Variants in EPPIN observed in about 807,000 individuals in gnomAD.
EPPIN encodes epididymal peptidase inhibitor, also known as WAP four-disulfide core domain protein 7.
EPPIN carries 14 observed loss-of-function variants against 18.8 expected under a neutral mutation model. The ratio of observed to expected loss-of-function variants is 0.75; its 90% CI spans 0.49 to 1.17. The LOEUF (loss-of-function observed/expected upper bound fraction) is 1.17. EPPIN is among the 50% of genes most tolerant of loss of function. The pLI is 0.00. For synonymous variants in EPPIN, 57 were observed against 54.8 expected, an observed-to-expected ratio of 1.04 and a Z score of -0.18; for missense variants, 143 against 154.2, an observed-to-expected ratio of 0.93 and a Z score of 0.39.
rs202204072 is a variant in EPPIN, at chr20:45,545,680, C to T, written c.182G>A (p.Cys61Tyr). 9.9e-6 allele frequency: 16 copies of T among 1,614,090 alleles called. No individual in the cohort carries two copies. The African/African-American group carries it at 2.1e-4, about 22-fold the overall frequency. Residue 61 changes from cysteine (C) to tyrosine (Y), a missense_variant, in exon 2 of 4, where the codon TGT (cysteine) becomes TAT (tyrosine). Coordinates refer to ENST00000354280, the MANE Select transcript of EPPIN (RefSeq NM_020398.4). ...ACATTTTTTTCCGCAGCTGAAGACA[C>T]AACACTTCTTGTTGTCCTGGCATTG... ...DRQCQDNKKC[C>Y]VFSCGKKCLD...
In EPPIN at chr20:45,547,267, T is replaced by C; in HGVS notation, c.91A>G (p.Arg31Gly). The C allele has an allele frequency of 6.2e-7, 1 of 1,613,844 alleles. No homozygotes were observed. Among genetic ancestry groups the C allele is most frequent in the Non-Finnish European group, 8.5e-7 (1 of 1,179,826 alleles). ...GPGLTDWLFP[R>G]RCPKIREECE... is the part of the protein sequence containing the mutation. ...GGTAAGGGCTGAGGCCAATACTTAC[T>C]GGGAAATAACCAATCAGTCAGACCA... is the stretch of plus-strand genomic sequence containing the variant. The change falls in exon 1 of 4, where the codon AGG becomes GGG. Residue 31 changes from arginine to glycine, a missense_variant and splice_region_variant. Transcript: ENST00000354280.
At chr20:45,546,681 C>A (rs1468288014) in intron 1 of EPPIN, among the ~76,000 whole-genome samples, 1 of 152,188 alleles carries the variant, frequency 6.6e-6, no homozygotes, top group Non-Finnish European at 1.5e-5. Context: ...GATTCCAGAT[C>A]CCTCTGTTGT....
chr20:45,544,180 T>C (rs1979725021), intron 2 of EPPIN: 1 of 152,140 alleles, frequency 6.6e-6, no homozygotes, highest in Non-Finnish European at 1.5e-5. Flanking sequence ...ACGAAATGTA[T>C]CCTGATCTGA....
At chr20:45,547,059 C>A (rs922296357) in intron 1 of EPPIN, among the ~76,000 whole-genome samples, 7 of 152,102 alleles carry the variant, frequency 4.6e-5, no homozygotes. Flanking sequence ...TTCAAAGGAG[C>A]TGAAAGTGGG....
In EPPIN at chr20:45,542,835, AG is replaced by A; in HGVS notation, c.255del (p.Cys86AlafsTer39). ...CACCAATGAAGAAAATAAGCCAGGC[AG>A]GGGCCAGTTTCTTTTGGCATTTCGC... ...DVCEMPKETG[P>X]CLAYFLHWWY... On this transcript the variant is annotated frameshift_variant, in exon 3 of 4. Transcript: ENST00000354280. LOFTEE classifies it high-confidence loss of function. 1 of 1,613,792 alleles carries A rather than the reference AG, an allele frequency of 6.2e-7. No individual in the cohort carries two copies. The highest frequency in any genetic ancestry group is 8.5e-7 in the Non-Finnish European group (1 of 1,179,804).
chr20:45,546,072 T>C (rs563984944), intron 1 of EPPIN: 2 of 468,242 alleles, frequency 4.3e-6, no homozygotes, highest in South Asian at 1.2e-4. Context: ...AACTGGGGAT[T>C]GTAGGATGTT....
intron 1 of EPPIN, among the ~76,000 whole-genome samples, chr20:45,546,893 A>G (rs1232045883): frequency 6.6e-6 from 1 of 152,158 alleles, no homozygotes; most frequent in Non-Finnish European, 1.5e-5. Context: ...TACATTTGAA[A>G]GAACCAAGAG....
chr20:45,545,538 G>C (rs1979786951), intron 2 of EPPIN, 101 bp downstream of exon 2: 5 of 1,582,176 alleles, frequency 3.2e-6, no homozygotes, highest in Non-Finnish European at 4.3e-6. Context: ...AGTTTTGCCA[G>C]AGACCAGCCC....
rs370174917 is a variant in EPPIN, at chr20:45,547,318, C to G, written c.40G>C (p.Val14Leu). ...GGTCCCTGGACATTCGCTAAGAGGA[C>G]GAATAGCACCAGGAGGCTCAAAAGT... is the stretch of plus-strand genomic sequence containing the variant. ...SGLLSLLVLF[V>L]LLANVQGPGL... The change falls in exon 1 of 4, where the codon GTC becomes CTC. Residue 14 changes from valine to leucine, a missense_variant. By Grantham distance (32) the Val-to-Leu change is conservative (BLOSUM62 1). Transcript: ENST00000354280. The G allele has an allele frequency of 1.2e-5, 19 of 1,613,778 alleles. No homozygotes were observed. In the African/African-American group the frequency reaches 2.4e-4, roughly 20 times the overall value.
At chr20:45,545,833 A>T in intron 1 of EPPIN, 63 bp from the exon 2 acceptor site, 2 of 1,591,460 alleles carry the variant, frequency 1.3e-6, no homozygotes, top group East Asian at 2.2e-5. Context: ...CCACTTTGCC[A>T]GACACAAGGC....
chr20:45,543,046 G>T, intron 2 of EPPIN, 179 bp from the exon 3 acceptor site: 1 of 996,962 alleles, frequency 1.0e-6, no homozygotes, highest in Non-Finnish European at 1.4e-6. Context: ...ACCCCAGAGT[G>T]GGCATCTGCA....
At position 45,542,879 on chromosome 20, in the gene EPPIN, C is replaced by A. The variant is rs1179096152; in HGVS notation, c.224-12G>T. On this transcript the variant is annotated splice_polypyrimidine_tract_variant and intron_variant, in intron 2 of 3. Coordinates refer to ENST00000354280, the MANE Select transcript of EPPIN (RefSeq NM_020398.4). ...CATTTCGCATACATCTGCAGAGAGA[C>A]TCCAGAGTTGAAAACTCAGTGTGCC... 2.5e-6 allele frequency: 4 copies of A among 1,601,278 alleles called. No homozygotes were observed. Among genetic ancestry groups the A allele is most frequent in the Non-Finnish European group, 3.4e-6 (4 of 1,175,070 alleles).
At chr20:45,545,998 C>G (rs956581) in intron 1 of EPPIN, 1 of 569,648 alleles carries the variant, frequency 1.8e-6, no homozygotes, top group East Asian at 2.9e-5. Flanking sequence ...TCCATCCCAT[C>G]TAAGGCAGAA....
In EPPIN at chr20:45,541,962, A is replaced by G. The variant is rs958272060; in HGVS notation, c.*182T>C. The G allele has an allele frequency of 5.3e-5, 34 of 636,436 alleles. No homozygotes were observed. Among genetic ancestry groups the G allele is most frequent in the Non-Finnish European group, 8.4e-5 (32 of 381,566 alleles). 39.4% of individuals were successfully genotyped at this position (636,436 alleles called of 1,614,324 possible). ...AAATCAAAACGGATGGATATTGTGC[A>G]TCAAAAGAGCCAAAGATGGAGGAAG... is the stretch of plus-strand genomic sequence containing the variant. On this transcript the variant is annotated 3_prime_UTR_variant, in exon 4 of 4. Coordinates refer to ENST00000354280, the MANE Select transcript of EPPIN (RefSeq NM_020398.4).
Position 45,542,842 on chromosome 20 carries a change from A to G in EPPIN, c.249T>C (p.Thr83=). Residue 83 remains threonine (T), a synonymous_variant, in exon 3 of 4, where the codon ACT becomes ACC. Transcript: ENST00000354280. ...GAAGAAAATAAGCCAGGCAGGGGCC[A>G]GTTTCTTTTGGCATTTCGCATACAT... ...KQDVCEMPKE[T]GPCLAYFLHW... 6.2e-7 allele frequency: 1 copy of G among 1,613,542 alleles called. No homozygotes were observed. Among genetic ancestry groups the G allele is most frequent in the Non-Finnish European group, 8.5e-7 (1 of 1,179,722 alleles).
chr20:45,545,404 C>T, intron 2 of EPPIN: 1 of 563,840 alleles, frequency 1.8e-6, no homozygotes, highest in Admixed American at 3.5e-5. Context: ...GCCACTGATT[C>T]ACCAATGATT....
chr20:45,545,093 T>G (rs1568989613), intron 2 of EPPIN: 1 of 153,712 alleles, frequency 6.5e-6, no homozygotes, highest in Admixed American at 6.4e-5. Context: ...CAATCAGTAT[T>G]TGTTGAATGA....
At chr20:45,547,160 C>T (rs1979867338) in intron 1 of EPPIN, 107 bp downstream of exon 1, 1 of 1,497,778 alleles carries the variant, frequency 6.7e-7, no homozygotes, top group Non-Finnish European at 9.0e-7. Context: ...AACCCGGGAC[C>T]TGGGCTAAGA....
intron 2 of EPPIN, chr20:45,545,366 C>G (rs1345726655): frequency 1.5e-5 from 7 of 473,094 alleles, no homozygotes; most frequent in African/African-American, 1.4e-4. Flanking sequence ...TGACAGGTAT[C>G]CAAATAGCCA....
Sources: allele counts gnomAD v4.1 joint callset (sites outside exome capture counted in the v4.1 genomes callset), GRCh38; gene constraint gnomAD v4.1.1; transcripts MANE v1.5; gene names NCBI Gene and HGNC (gene_info 2026-07-23, HGNC 2026-07-21).